TGFBR1: variants seen among roughly 807,000 people sequenced by gnomAD.
TGFBR1 encodes the protein transforming growth factor beta receptor 1.
A neutral mutation model predicts 55.1 loss-of-function variants in TGFBR1; 20 were observed. The observed-to-expected ratio is 0.36, with a 90% CI of 0.26 to 0.53. The LOEUF is 0.53. Among genes scored for constraint, TGFBR1 ranks in the 20% least tolerant of loss-of-function variants. The pLI is 0.91. For missense variants in TGFBR1, 385 were observed against 617.6 expected, an observed-to-expected ratio of 0.62 and a Z score of 3.99; for synonymous variants, 220 against 214.8, an observed-to-expected ratio of 1.02 and a Z score of -0.21.
chr9:99,124,532 G>A lies in TGFBR1; in HGVS notation c.98-4323G>A, dbSNP rs1400211597. ...CTAGTTGAATAAAAGGTTGGGGGGG[G>A]CAGTATCCAGGGGCCAAATCTATCT... On this transcript the variant is annotated intron_variant, in intron 1 of 8. Transcript: ENST00000374994. 2.6e-5 allele frequency among the ~76,000 whole-genome samples: 4 copies of A among 151,852 alleles called. No homozygotes were observed. In the South Asian group the frequency reaches 6.2e-4, roughly 24 times the overall value.
At position 99,150,751 on chromosome 9, in the gene TGFBR1, C is replaced by T. The variant is rs1827959754; in HGVS notation, c.*1446C>T. 1 of 214,364 alleles carries T rather than the reference C, an allele frequency of 4.7e-6. No homozygotes were observed. The allele number at this position is 214,364 out of a possible 1,614,324, so 13.3% of individuals were successfully genotyped here. On this transcript the variant is annotated 3_prime_UTR_variant, in exon 9 of 9. Coordinates refer to ENST00000374994, the MANE Select transcript of TGFBR1 (RefSeq NM_004612.4). ...CTTGGGAGAGGTGGTAGCTAAAGAA[C>T]ATTCTGAGTATAGGTTTTTCTCCAT...
chr9:99,141,380 G>A (rs1476421190), intron 4 of TGFBR1, among the ~76,000 whole-genome samples: 1 of 152,194 alleles, frequency 6.6e-6, no homozygotes, highest in Admixed American at 6.5e-5. Flanking sequence ...TCTAATCAGA[G>A]TTGGTTTTCT....
intron 5 of TGFBR1, among the ~76,000 whole-genome samples, chr9:99,142,919 C>T (rs1255725123): frequency 6.6e-6 from 1 of 152,022 alleles, no homozygotes; most frequent in African/African-American, 2.4e-5. Context: ...ATTAGTCGGG[C>T]ATGGTGGCAT....
chr9:99,149,480 GC>G lies in TGFBR1; in HGVS notation c.*177del. 1 of 774,778 alleles carries G rather than the reference GC, an allele frequency of 1.3e-6. No individual in the cohort carries two copies. Among genetic ancestry groups the G allele is most frequent in the Non-Finnish European group, 2.1e-6 (1 of 474,816 alleles). 48.0% of individuals were successfully genotyped at this position (774,778 alleles called of 1,614,324 possible). ...AGGATTTCTTTGGACCCAGGAAACA[GC>G]CATGTGGGTCCTTTCTGTGCACTAT... On this transcript the variant is annotated 3_prime_UTR_variant, in exon 9 of 9. Coordinates refer to ENST00000374994, the MANE Select transcript of TGFBR1 (RefSeq NM_004612.4).
chr9:99,122,517 G>A (rs1437419937), intron 1 of TGFBR1, among the ~76,000 whole-genome samples: 2 of 151,898 alleles, frequency 1.3e-5, no homozygotes. Flanking sequence ...TCTCAACTTG[G>A]GATATGTTAC....
chr9:99,119,610 A>G (rs927171891), intron 1 of TGFBR1, among the ~76,000 whole-genome samples: 1 of 152,186 alleles, frequency 6.6e-6, no homozygotes, highest in Admixed American at 6.5e-5. Context: ...ATTTCTGTTC[A>G]TATTCCTTCC....
At chr9:99,143,202 C>T (rs1038006764) in intron 5 of TGFBR1, among the ~76,000 whole-genome samples, 8 of 152,130 alleles carry the variant, frequency 5.3e-5, no homozygotes, top group African/African-American at 1.7e-4. Flanking sequence ...ATTCTCTAGT[C>T]GTTGTAACAA....
chr9:99,105,094 GC>G, upstream of TGFBR1: 1 of 866,556 alleles, frequency 1.2e-6, no homozygotes, highest in African/African-American at 1.8e-5. Context: ...GTTACAAAGG[GC>G]CGGAGCGAGG....
chr9:99,142,162 T>C (rs539585667), intron 4 of TGFBR1, among the ~76,000 whole-genome samples: 9 of 152,288 alleles, frequency 5.9e-5, no homozygotes, highest in African/African-American at 2.2e-4. Flanking sequence ...CTTCCTTTTT[T>C]TTAACCTTCT....
At chr9:99,104,917 C>A (rs1360128720), upstream of TGFBR1, among the ~76,000 whole-genome samples, 1 of 151,710 alleles carries the variant, frequency 6.6e-6, no homozygotes, top group Non-Finnish European at 1.5e-5. Flanking sequence ...GGCCCAGCCC[C>A]CGGGGAGCGT....
intron 4 of TGFBR1, among the ~76,000 whole-genome samples, chr9:99,138,304 A>G (rs1408328951): frequency 2.0e-5 from 3 of 152,198 alleles, no homozygotes; most frequent in Non-Finnish European, 4.4e-5. Flanking sequence ...AAATCTCTTA[A>G]TGTTTTATAA....
Position 99,149,384 on chromosome 9 carries a change from C to T in TGFBR1, c.*79C>T. 6.3e-7 allele frequency: 1 copy of T among 1,576,506 alleles called. No homozygotes were observed. Among genetic ancestry groups the T allele is most frequent in the Non-Finnish European group, 8.7e-7 (1 of 1,147,816 alleles). ...TAATTTGGGAGGTCAATTGTTCTAC[C>T]TCACTGAGAGGGAACAGAAGGATAT... On this transcript the variant is annotated 3_prime_UTR_variant, in exon 9 of 9. Coordinates refer to ENST00000374994, the MANE Select transcript of TGFBR1 (RefSeq NM_004612.4).
rs199718989 is a variant in TGFBR1, at chr9:99,153,335, G to A, written c.*4030G>A. ...TTATATTTGTACCCCAAATAACATC[G>A]TCTGTACTTTCTGTTTTCTGTATTG... On this transcript the variant is annotated 3_prime_UTR_variant, in exon 9 of 9. Coordinates refer to ENST00000374994, the MANE Select transcript of TGFBR1 (RefSeq NM_004612.4). 6.0e-5 allele frequency: 13 copies of A among 217,080 alleles called. No homozygotes were observed. The highest frequency in any genetic ancestry group is 1.9e-4 in the South Asian group (1 of 5,370). The allele number at this position is 217,080 out of a possible 1,614,324, so 13.4% of individuals were successfully genotyped here.
intron 6 of TGFBR1, among the ~76,000 whole-genome samples, chr9:99,145,238 C>A (rs1249295758): frequency 6.6e-6 from 1 of 152,142 alleles, no homozygotes; most frequent in African/African-American, 2.4e-5. Context: ...GTAGCTAGCC[C>A]TGCTATTTTC....
intron 1 of TGFBR1, among the ~76,000 whole-genome samples, chr9:99,110,448 T>C (rs1415946937): frequency 1.3e-5 from 2 of 152,236 alleles, no homozygotes; most frequent in Non-Finnish European, 2.9e-5. Context: ...TTCTTACTTA[T>C]TTGCTGCTTA....
intron 1 of TGFBR1, among the ~76,000 whole-genome samples, chr9:99,119,963 C>T (rs1218781327): frequency 6.6e-6 from 1 of 152,144 alleles, no homozygotes; most frequent in African/African-American, 2.4e-5. Flanking sequence ...CAGAGACTGG[C>T]ACGTAATAGG....
At chr9:99,122,512 A>G (rs757404244) in intron 1 of TGFBR1, among the ~76,000 whole-genome samples, 14 of 152,090 alleles carry the variant, frequency 9.2e-5, no homozygotes, top group Non-Finnish European at 1.6e-4. Flanking sequence ...CAAGATCTCA[A>G]CTTGGGATAT....
chr9:99,142,341 C>T, intron 4 of TGFBR1, among the ~76,000 whole-genome samples, 195 bp from the exon 5 acceptor site: 1 of 152,160 alleles, frequency 6.6e-6, no homozygotes, highest in East Asian at 1.9e-4. Flanking sequence ...GAGGGGCTTA[C>T]TCTGAGGAAC....
chr9:99,121,332 T>C (rs1159192194), intron 1 of TGFBR1, among the ~76,000 whole-genome samples: 1 of 152,122 alleles, frequency 6.6e-6, no homozygotes, highest in East Asian at 1.9e-4. Flanking sequence ...AAACCTAGGA[T>C]AGTAGGCTGG....
Sources: gnomAD v4.1 joint callset for allele counts (sites outside exome capture counted in the v4.1 genomes callset) on GRCh38, gnomAD v4.1.1 for gene constraint, MANE v1.5 for transcripts, NCBI Gene and HGNC (gene_info 2026-07-23, HGNC 2026-07-21) for gene names.